Variants in MARK1 observed in about 807,000 individuals in gnomAD.
The protein encoded by MARK1 is serine/threonine-protein kinase MARK1.
A neutral mutation model predicts 96.3 loss-of-function variants in MARK1; 40 were observed. The observed-to-expected ratio is 0.42, with a 90% confidence interval of 0.32 to 0.54. MARK1 has a LOEUF of 0.54. Among genes scored for constraint, MARK1 ranks in the 20% least tolerant of loss-of-function variants. The pLI is 0.16. For missense variants in MARK1, 719 were observed against 984.6 expected (o/e 0.73, Z 3.61); for synonymous variants, 317 against 341.2 (o/e 0.93, Z 0.78).
At position 220,650,714 on chromosome 1, in the gene MARK1, A is replaced by G. The variant is rs1371060455; in HGVS notation, c.1565A>G (p.Asp522Gly). ...TACGTAGCATTGCAGAATGGAAAAG[A>G]CAGCAGGTAAATGCCACAGTGCCAA... ...DRYVALQNGK[D>G]SSLTEMSVSS... is the part of the protein sequence containing the mutation. Residue 522 changes from aspartate to glycine, a missense_variant, in exon 14 of 18, where the codon GAC (aspartate) becomes GGC (glycine). By Grantham distance (94) the Asp-to-Gly change is moderately conservative. Transcript: ENST00000366917. The G allele has an allele frequency of 6.2e-7, 1 of 1,611,872 alleles. No individual in the cohort carries two copies. Among genetic ancestry groups the G allele is most frequent in the African/African-American group, 1.3e-5 (1 of 74,868 alleles).
intron 1 of MARK1, 55 bp downstream of exon 1, chr1:220,528,928 C>A (rs1003078690): frequency 2.7e-6 from 4 of 1,487,714 alleles, no homozygotes; most frequent in African/African-American, 2.9e-5. Flanking sequence ...TCCTCTGATC[C>A]CCACTTCACC....
In MARK1 at chr1:220,579,355, A is replaced by G. The variant is rs771060168; in HGVS notation, c.53A>G (p.His18Arg). The G allele has an allele frequency of 4.3e-6, 7 of 1,611,422 alleles. No individual in the cohort carries two copies. Among genetic ancestry groups the G allele is most frequent in the Non-Finnish European group, 5.9e-6 (7 of 1,177,616 alleles). ...PTVNERDTEN[H>R]TSVDGYTEPH... ...GAAATCTTGTAAACTTTTTCTTAGCATACATCTGTGGATGGATATACTGAA... is the reference window on the plus strand; with the variant it reads ...GAAATCTTGTAAACTTTTTCTTAGCGTACATCTGTGGATGGATATACTGAA... Residue 18 changes from histidine to arginine, a missense_variant and splice_region_variant, in exon 2 of 18, where the codon CAT becomes CGT. Coordinates refer to ENST00000366917, the MANE Select transcript of MARK1 (RefSeq NM_018650.5).
chr1:220,559,657 G>A (rs1053587333), intron 1 of MARK1, among the ~76,000 whole-genome samples: 3 of 152,172 alleles, frequency 2.0e-5, no homozygotes, highest in Non-Finnish European at 4.4e-5. Context: ...AGATGGAACT[G>A]AACAGAATCC....
chr1:220,578,029 T>C (rs1663991437), intron 1 of MARK1, among the ~76,000 whole-genome samples: 1 of 152,202 alleles, frequency 6.6e-6, no homozygotes, highest in Non-Finnish European at 1.5e-5. Flanking sequence ...TTGCGTGAGA[T>C]TGGTAAATGG....
chr1:220,537,402 A>G (rs975354577), intron 1 of MARK1, among the ~76,000 whole-genome samples: 4 of 151,564 alleles, frequency 2.6e-5, no homozygotes, highest in Non-Finnish European at 4.4e-5. Context: ...CCATGTCCCT[A>G]CAAAGGACAT....
At chr1:220,632,774 G>A (rs1373614920) in intron 11 of MARK1, among the ~76,000 whole-genome samples, 1 of 152,198 alleles carries the variant, frequency 6.6e-6, no homozygotes, top group Non-Finnish European at 1.5e-5. Flanking sequence ...AGTGACTGAT[G>A]CTTTCAATTG....
At position 220,652,846 on chromosome 1, in the gene MARK1, T is replaced by G. The variant is rs181286278; in HGVS notation, c.1737-255T>G. ...AAAAAAATATTTGCAGTACTCCTGG[T>G]TTGGCATTCCTGATACTGAAAAGTA... On this transcript the variant is annotated intron_variant, in intron 15 of 17. Transcript: ENST00000366917. Among the ~76,000 whole-genome samples, 687 of 152,316 alleles carry G rather than the reference T, an allele frequency of 4.5e-3. 8 individuals carry two copies. The highest frequency in any genetic ancestry group is 0.025 in the Admixed American group (381 of 15,298).
rs375626019 is a variant in MARK1, at chr1:220,635,953, T to C, written c.1397T>C (p.Val466Ala). Residue 466 changes from valine (V) to alanine (A), a missense_variant, in exon 13 of 18, where the codon GTT becomes GCT. Val to Ala is a moderately conservative substitution (Grantham distance 64). Transcript: ENST00000366917. ...GCTCGAAAACTTGGCAGCACAACAGTTGGATCAAAAAGCGAGATGACTGCA... is the reference window on the plus strand; with the variant it reads ...GCTCGAAAACTTGGCAGCACAACAGCTGGATCAAAAAGCGAGATGACTGCA... The part of the protein sequence containing the change: ...DVARKLGSTT[V>A]GSKSEMTASP... The C allele has an allele frequency of 1.0e-4, 167 of 1,613,694 alleles. No individual in the cohort carries two copies. The highest frequency in any genetic ancestry group is 1.3e-4 in the Non-Finnish European group (157 of 1,179,936).
chr1:220,608,785 C>G (rs1666249259), intron 6 of MARK1, among the ~76,000 whole-genome samples: 2 of 152,168 alleles, frequency 1.3e-5, no homozygotes, highest in Non-Finnish European at 2.9e-5. Flanking sequence ...CAAAGAACAT[C>G]TTTATTTCTG....
chr1:220,554,605 A>C (rs1192843080), intron 1 of MARK1, among the ~76,000 whole-genome samples: 3 of 152,238 alleles, frequency 2.0e-5, no homozygotes, highest in African/African-American at 7.2e-5. Context: ...TAAATGAAGC[A>C]GCAAGCTGGT....
intron 13 of MARK1, among the ~76,000 whole-genome samples, chr1:220,647,708 C>G (rs1316776238): frequency 6.6e-6 from 1 of 152,102 alleles, no homozygotes; most frequent in African/African-American, 2.4e-5. Flanking sequence ...GACTACTATG[C>G]AGCCATAAAA....
At chr1:220,551,741 A>G (rs1360108543) in intron 1 of MARK1, among the ~76,000 whole-genome samples, 2 of 152,238 alleles carry the variant, frequency 1.3e-5, no homozygotes, top group Non-Finnish European at 1.5e-5. Flanking sequence ...AAGTGTATTT[A>G]CAGCAAAATA....
At position 220,607,981 on chromosome 1, in the gene MARK1, T is replaced by C. The variant is rs535662583; in HGVS notation, c.495+3844T>C. Reference sequence around the variant, plus strand: ...CAGTATTTTATTGAGGATTTTTGCATTGATGTTCTTCAGGGATATTGGTCT... The same window carrying C: ...CAGTATTTTATTGAGGATTTTTGCACTGATGTTCTTCAGGGATATTGGTCT... On this transcript the variant is annotated intron_variant, in intron 6 of 17. Transcript: ENST00000366917. 5.9e-5 allele frequency among the ~76,000 whole-genome samples: 9 copies of C among 152,358 alleles called. No homozygotes were observed. In the South Asian group the frequency reaches 1.7e-3, roughly 28 times the overall value.
chr1:220,620,875 A>C (rs1667019559), intron 9 of MARK1, among the ~76,000 whole-genome samples: 1 of 152,128 alleles, frequency 6.6e-6, no homozygotes, highest in Non-Finnish European at 1.5e-5. Context: ...CCCAGAAATG[A>C]CTTTCCAGGG....
At position 220,636,018 on chromosome 1, in the gene MARK1, A is replaced by G; in HGVS notation, c.1462A>G (p.Ile488Val). 1 of 1,608,732 alleles carries G rather than the reference A, an allele frequency of 6.2e-7. No individual in the cohort carries two copies. The highest frequency in any genetic ancestry group is 1.1e-5 in the South Asian group (1 of 90,092). Reference sequence around the variant, plus strand: ...GCCAGAGAGGAAAAAATCTTCAACTATTCCAAGTGTGAGTAAATACTCTGG... The same window carrying G: ...GCCAGAGAGGAAAAAATCTTCAACTGTTCCAAGTGTGAGTAAATACTCTGG... ...VGPERKKSSTIPSNNVYSGGS... is the reference protein window; with the variant it reads ...VGPERKKSSTVPSNNVYSGGS... Residue 488 changes from isoleucine to valine, a missense_variant, in exon 13 of 18, where the codon ATT becomes GTT. By Grantham distance (29) the Ile-to-Val change is conservative. Coordinates refer to ENST00000366917, the MANE Select transcript of MARK1 (RefSeq NM_018650.5).
intron 1 of MARK1, among the ~76,000 whole-genome samples, chr1:220,529,304 C>A (rs1660149046): frequency 6.6e-6 from 1 of 152,164 alleles, no homozygotes; most frequent in Non-Finnish European, 1.5e-5. Context: ...CAATCCTTTG[C>A]ACTCTCCCCT....
At chr1:220,616,036 A>G (rs937823499) in intron 7 of MARK1, 41 bp downstream of exon 7, 5 of 1,003,034 alleles carry the variant, frequency 5.0e-6, no homozygotes, top group African/African-American at 1.6e-5. Context: ...AAAAATCGTT[A>G]TTATTAACAT....
chr1:220,555,017 G>A (rs752161493), intron 1 of MARK1, among the ~76,000 whole-genome samples: 3 of 152,186 alleles, frequency 2.0e-5, no homozygotes, highest in Non-Finnish European at 4.4e-5. Context: ...AGGGATGAAT[G>A]TGTAGGCTGT....
chr1:220,568,623 T>C (rs1341942602), intron 1 of MARK1, among the ~76,000 whole-genome samples: 3 of 152,102 alleles, frequency 2.0e-5, no homozygotes, highest in Admixed American at 2.0e-4. Context: ...AAAAAGAAAA[T>C]GTTCCCTATA....
Sources: gnomAD v4.1 joint callset for allele counts (sites outside exome capture counted in the v4.1 genomes callset) on GRCh38, gnomAD v4.1.1 for gene constraint, MANE v1.5 for transcripts, NCBI Gene and HGNC (gene_info 2026-07-23, HGNC 2026-07-21) for gene names.